ABI3BP: variants seen among roughly 807,000 people sequenced by gnomAD.
ABI3BP encodes the protein ABI family member 3 binding protein, also known as target of Nesh-SH3.
In ABI3BP, 216 loss-of-function variants were observed where a neutral mutation model predicts 268.6. The ratio of observed to expected loss-of-function variants is 0.80; its 90% CI spans 0.72 to 0.90. ABI3BP has a LOEUF of 0.90. ABI3BP is among the 40% of genes least tolerant of loss of function. The pLI is 0.00. For missense variants in ABI3BP, 2,090 were observed against 2,182.4 expected (o/e 0.96, Z 0.84); for synonymous variants, 730 against 730.0 (o/e 1.00, Z 0.00).
intron 58 of ABI3BP, 135 bp downstream of exon 58, chr3:100,779,997 C>T: frequency 1.4e-6 from 1 of 691,686 alleles, no homozygotes; most frequent in Non-Finnish European, 2.5e-6. Flanking sequence ...TAGCAATACC[C>T]ATGCACTGTG....
intron 1 of ABI3BP, among the ~76,000 whole-genome samples, chr3:100,991,746 A>G (rs898894865): frequency 7.2e-5 from 11 of 152,194 alleles, no homozygotes; most frequent in Non-Finnish European, 1.6e-4. Flanking sequence ...ATAAACAACA[A>G]AAGTTTTGTG....
chr3:100,765,747 T>G, intron 63 of ABI3BP, 94 bp downstream of exon 63: 1 of 1,006,696 alleles, frequency 9.9e-7, no homozygotes, highest in Non-Finnish European at 1.5e-6. Context: ...AGAGCCACCC[T>G]CAAGACAGAG....
At chr3:100,812,888 T>C (rs1364647963) in intron 45 of ABI3BP, among the ~76,000 whole-genome samples, 1 of 151,392 alleles carries the variant, frequency 6.6e-6, no homozygotes, top group East Asian at 1.9e-4. Context: ...TTTGCATCCA[T>C]TTTTTTTTCC....
chr3:100,767,577 A>C (rs950414615), intron 62 of ABI3BP, among the ~76,000 whole-genome samples: 2 of 151,942 alleles, frequency 1.3e-5, no homozygotes, highest in Non-Finnish European at 1.5e-5. Flanking sequence ...GGAAGGACTT[A>C]AAATGCAAGT....
chr3:100,834,671 A>G lies in ABI3BP; in HGVS notation c.2281+13T>C, dbSNP rs1423152464. 27 of 1,534,652 alleles carry G rather than the reference A, an allele frequency of 1.8e-5. No individual in the cohort carries two copies. The highest frequency in any genetic ancestry group is 2.4e-5 in the Non-Finnish European group (27 of 1,145,760). On this transcript the variant is annotated intron_variant, in intron 29 of 67. Transcript: ENST00000471714. ...TGGGATGCCACAGGGACAAGGAACC[A>G]CATATTATTTACCTAGTTTGGTCTG...
intron 1 of ABI3BP, among the ~76,000 whole-genome samples, chr3:100,926,991 G>A (rs1207703103): frequency 1.3e-5 from 2 of 152,128 alleles, no homozygotes; most frequent in African/African-American, 2.4e-5. Context: ...GGCAGAGAAC[G>A]GTTGAGGAGG....
rs976413266 is a variant in ABI3BP at position 100,824,841 on chromosome 3, A to G, written c.2746+17T>C. On this transcript the variant is annotated intron_variant, in intron 36 of 67. Coordinates refer to ENST00000471714, the MANE Select transcript of ABI3BP (RefSeq NM_001375547.2). Reference sequence around the variant, plus strand: ...GCTGCCAGGGATCACCCTTAAACCAAGGAATCACAGATTTACCAGGTTTGG... The same window carrying G: ...GCTGCCAGGGATCACCCTTAAACCAGGGAATCACAGATTTACCAGGTTTGG... 6.5e-7 allele frequency: 1 copy of G among 1,530,950 alleles called. No individual in the cohort carries two copies. Among genetic ancestry groups the G allele is most frequent in the Non-Finnish European group, 8.8e-7 (1 of 1,142,338 alleles). 94.8% of individuals were successfully genotyped at this position (1,530,950 alleles called of 1,614,324 possible).
At chr3:100,756,812 T>C (rs1217936135) in intron 63 of ABI3BP, among the ~76,000 whole-genome samples, 1 of 150,680 alleles carries the variant, frequency 6.6e-6, no homozygotes, top group Non-Finnish European at 1.5e-5. Context: ...TTTTGTGATA[T>C]TTGACAAGTT....
chr3:100,809,944 A>T (rs1231154617), intron 49 of ABI3BP, among the ~76,000 whole-genome samples: 1 of 152,110 alleles, frequency 6.6e-6, no homozygotes, highest in African/African-American at 2.4e-5. Flanking sequence ...AAGAAGAAAG[A>T]TATCTGAATA....
chr3:100,986,030 T>C (rs547352151), intron 1 of ABI3BP, among the ~76,000 whole-genome samples: 1 of 152,186 alleles, frequency 6.6e-6, no homozygotes, highest in Non-Finnish European at 1.5e-5. Flanking sequence ...ACCAGTAGAA[T>C]ATGGCAGAAG....
At chr3:100,824,606 A>G (rs943772731) in intron 36 of ABI3BP, among the ~76,000 whole-genome samples, 1 of 152,216 alleles carries the variant, frequency 6.6e-6, no homozygotes, top group African/African-American at 2.4e-5. Flanking sequence ...ATTTGACAGT[A>G]AGAAATATAC....
Position 100,770,870 on chromosome 3 carries a change from C to T in ABI3BP, c.4614G>A (p.Glu1538=). The T allele has an allele frequency of 6.2e-7, 1 of 1,604,412 alleles. No homozygotes were observed. The highest frequency in any genetic ancestry group is 8.5e-7 in the Non-Finnish European group (1 of 1,175,366). ...TDSVKRFPKE[E]ATEGNATSPP... is the part of the protein sequence containing the mutation. ...GGCTGGTGGCATTCCCCTCTGTGGC[C>T]TCCTCTTTGGGGAACCGTTTGACAG... is the stretch of plus-strand genomic sequence containing the variant. Residue 1538 remains glutamate (E), a synonymous_variant, in exon 62 of 68, where the codon GAG becomes GAA. Coordinates refer to ENST00000471714, the MANE Select transcript of ABI3BP (RefSeq NM_001375547.2).
intron 17 of ABI3BP, 44 bp downstream of exon 17, chr3:100,849,994 CATTACCT>C: frequency 6.7e-7 from 1 of 1,487,262 alleles, no homozygotes; most frequent in Middle Eastern, 1.7e-4. Flanking sequence ...TGACTTCTCA[CATTACCT>C]GTTTCGTCAA....
intron 65 of ABI3BP, 119 bp from the exon 66 acceptor site, chr3:100,753,067 G>A: frequency 1.2e-6 from 1 of 855,724 alleles, no homozygotes; most frequent in Non-Finnish European, 1.8e-6. Context: ...GCTAAATACT[G>A]GAGCCAAAAA....
At chr3:100,913,916 T>C (rs763029347) in intron 2 of ABI3BP, among the ~76,000 whole-genome samples, 1 of 152,154 alleles carries the variant, frequency 6.6e-6, no homozygotes, top group Admixed American at 6.5e-5. Flanking sequence ...CATGGAAACA[T>C]AGTAATTGCT....
chr3:100,893,919 A>G (rs73864026), intron 4 of ABI3BP, among the ~76,000 whole-genome samples: 1,874 of 152,296 alleles, frequency 0.012, 44 homozygotes, highest in African/African-American at 0.043. Flanking sequence ...CTTGGAAAGA[A>G]GAGAAGAGAG....
In ABI3BP at chr3:100,835,606, G is replaced by A; in HGVS notation, c.2186C>T (p.Thr729Ile). Reference protein sequence around the residue: ...VTVRTEATVTTLAPKTSQRTR... With the variant: ...VTVRTEATVTILAPKTSQRTR... ...AAGACATAAGAGGTCATTACCTAAT[G>A]TTGTCACTGTAGCCTCAGTTCTCAC... is the stretch of plus-strand genomic sequence containing the variant. The change falls in exon 28 of 68, where the codon ACA (threonine) becomes ATA (isoleucine). Residue 729 changes from threonine to isoleucine, a missense_variant. Transcript: ENST00000471714. 1 of 1,534,426 alleles carries A rather than the reference G, an allele frequency of 6.5e-7. No individual in the cohort carries two copies. Among genetic ancestry groups the A allele is most frequent in the Non-Finnish European group, 8.7e-7 (1 of 1,145,632 alleles).
At chr3:100,854,230 T>C (rs1270082000) in intron 14 of ABI3BP, among the ~76,000 whole-genome samples, 2 of 149,556 alleles carry the variant, frequency 1.3e-5, no homozygotes, top group African/African-American at 2.5e-5. Flanking sequence ...AGGCCTGGGA[T>C]GGCGGGCACC....
Position 100,898,878 on chromosome 3 carries a change from G to A in ABI3BP, c.345C>T (p.Arg115=), listed in dbSNP as rs746203893. 5.0e-6 allele frequency: 8 copies of A among 1,610,660 alleles called. No homozygotes were observed. Among genetic ancestry groups the A allele is most frequent in the Admixed American group, 1.7e-5 (1 of 59,456 alleles). The change falls in exon 4 of 68, where the codon CGC becomes CGT. Residue 115 remains arginine, a synonymous_variant. Transcript: ENST00000471714. ...TGCCAACCACCAGCTGCAGAGGTTT[G>A]CGAGAACGAGTTTTACCTGTGGAGG... ...KKSCSGKTRS[R]KPLQLVVGTL...
Sources: gnomAD v4.1 joint callset for allele counts (sites outside exome capture counted in the v4.1 genomes callset) on GRCh38, gnomAD v4.1.1 for gene constraint, MANE v1.5 for transcripts, NCBI Gene and HGNC (gene_info 2026-07-23, HGNC 2026-07-21) for gene names.